The following BCAT1 variants were observed in gnomAD, a reference collection of about 807,000 sequenced individuals.
BCAT1 encodes the protein branched-chain-amino-acid aminotransferase, cytosolic.
Under a neutral mutation model 52.4 loss-of-function variants are expected in BCAT1, and 48 were observed. The ratio of observed to expected loss-of-function variants is 0.92; its 90% CI spans 0.73 to 1.16. The LOEUF is 1.16. Among genes scored for constraint, BCAT1 ranks in the 50% most tolerant of loss-of-function variants. The probability of loss-of-function intolerance (pLI) is 0.00; values close to 1 mark genes in which losing one functional copy is unlikely to be tolerated. For missense variants in BCAT1, 451 were observed against 457.1 expected, an observed-to-expected ratio of 0.99 and a Z score of 0.12; for synonymous variants, 167 against 161.3, an observed-to-expected ratio of 1.04 and a Z score of -0.27.
At position 24,881,376 on chromosome 12, in the gene BCAT1, A is replaced by G; in HGVS notation, c.315T>C (p.Asp105=). The G allele has an allele frequency of 3.7e-6, 6 of 1,613,120 alleles. No individual in the cohort carries two copies. The highest frequency in any genetic ancestry group is 5.1e-6 in the Non-Finnish European group (6 of 1,179,104). The change falls in exon 4 of 11, where the codon GAT becomes GAC. Residue 105 remains aspartate (D), a synonymous_variant. Transcript: ENST00000261192. ...TTGGCTGAAACAGTCGAATTTTATT[A>G]TCTACTCCTCGAAATGCCTTCAATC... ...FEGLKAFRGV[D]NKIRLFQPNL...
rs1467782779 is a variant in BCAT1, at chr12:24,832,755, AAAC to A, written c.1009_1011del (p.Val337del). The A allele has an allele frequency of 6.2e-7, 1 of 1,611,378 alleles. No individual in the cohort carries two copies. Among genetic ancestry groups the A allele is most frequent in the South Asian group, 1.1e-5 (1 of 90,308 alleles). ...TTGTACAGTATATCAGAAACTGGGC[AAAC>A]AACACAGGCTGTACCAGAGCCAAAC... On this transcript the variant is annotated inframe_deletion, in exon 9 of 11. Transcript: ENST00000261192.
intron 2 of BCAT1, among the ~76,000 whole-genome samples, chr12:24,896,204 C>T (rs1188482212): frequency 2.0e-5 from 3 of 152,102 alleles, no homozygotes; most frequent in Non-Finnish European, 4.4e-5. Flanking sequence ...AGACTTTTTA[C>T]TAAGTATAAT....
intron 10 of BCAT1, among the ~76,000 whole-genome samples, chr12:24,821,395 G>A (rs977901351): frequency 1.3e-5 from 2 of 152,118 alleles, no homozygotes; most frequent in African/African-American, 2.4e-5. Context: ...TTCAACAGCA[G>A]CAATGCTGAT....
rs1598075073 is a variant in BCAT1, at chr12:24,810,865, C to T, written c.*7143G>A. 1 of 152,132 alleles carries T rather than the reference C, an allele frequency of 6.6e-6. No homozygotes were observed. Among genetic ancestry groups the T allele is most frequent in the African/African-American group, 2.4e-5 (1 of 41,426 alleles). 9.4% of individuals were successfully genotyped at this position (152,132 alleles called of 1,614,324 possible). A position where few individuals can be genotyped will look rare whatever the true frequency, so the allele number is the denominator to read the frequency against. On this transcript the variant is annotated 3_prime_UTR_variant, in exon 11 of 11. Transcript: ENST00000261192. The stretch of plus-strand genomic sequence containing the variant: ...CACTTGGCTTTGTTCTCCCTTGGTG[C>T]TTTTGAGGACAATTTCTGCAAGGCC...
intron 1 of BCAT1, 127 bp from the exon 2 acceptor site, chr12:24,902,012 G>A: frequency 6.3e-7 from 1 of 1,585,866 alleles, no homozygotes; most frequent in Non-Finnish European, 8.5e-7. Context: ...CAAAAAAGGA[G>A]GCTCAGACAA....
At chr12:24,928,720 T>C (rs1260524666) in intron 1 of BCAT1, among the ~76,000 whole-genome samples, 1 of 138,282 alleles carries the variant, frequency 7.2e-6, no homozygotes, top group Admixed American at 6.9e-5. Context: ...GTTGTTGTTG[T>C]TGTTGTTGTT....
chr12:24,853,390 G>A (rs1280715401), intron 5 of BCAT1, among the ~76,000 whole-genome samples: 2 of 152,156 alleles, frequency 1.3e-5, no homozygotes, highest in African/African-American at 2.4e-5. Context: ...ATAAGTGAGA[G>A]CTAAGCATTA....
chr12:24,922,547 G>A (rs1454132536), intron 1 of BCAT1, among the ~76,000 whole-genome samples: 4 of 152,100 alleles, frequency 2.6e-5, no homozygotes, highest in Admixed American at 6.5e-5. Context: ...TGATTCACAG[G>A]ACTCAATACT....
intron 5 of BCAT1, among the ~76,000 whole-genome samples, chr12:24,874,854 T>C (rs578169810): frequency 6.6e-6 from 1 of 152,332 alleles, no homozygotes; most frequent in South Asian, 2.1e-4. Flanking sequence ...AGTGATCAAC[T>C]AGGTGTCTAT....
chr12:24,843,140 C>A (rs554511253), intron 6 of BCAT1, among the ~76,000 whole-genome samples: 27 of 152,184 alleles, frequency 1.8e-4, no homozygotes, highest in African/African-American at 6.3e-4. Context: ...CCCAGAAATA[C>A]ACAGAAACAA....
chr12:24,927,193 G>A (rs888151411), intron 1 of BCAT1, among the ~76,000 whole-genome samples: 4 of 151,952 alleles, frequency 2.6e-5, no homozygotes, highest in South Asian at 2.1e-4. Flanking sequence ...CTGTAATCCC[G>A]GCTATTTGGG....
chr12:24,886,517 G>C (rs774799196), intron 3 of BCAT1, among the ~76,000 whole-genome samples: 1 of 152,112 alleles, frequency 6.6e-6, no homozygotes, highest in African/African-American at 2.4e-5. Context: ...ACAAACTCAA[G>C]ACAATCACAC....
At chr12:24,886,155 C>T (rs1259157437) in intron 3 of BCAT1, among the ~76,000 whole-genome samples, 3 of 152,216 alleles carry the variant, frequency 2.0e-5, no homozygotes, top group Admixed American at 6.5e-5. Context: ...CCGTGGCTCA[C>T]GCCTGTAATT....
chr12:24,948,760 C>A (rs995882910), intron 1 of BCAT1, among the ~76,000 whole-genome samples, 167 bp downstream of exon 1: 3 of 152,166 alleles, frequency 2.0e-5, no homozygotes, highest in Non-Finnish European at 4.4e-5. Flanking sequence ...ATGCACGGTC[C>A]CCGCAAACTA....
At chr12:24,945,414 G>T (rs1459564171) in intron 1 of BCAT1, 6 of 152,228 alleles carry the variant, frequency 3.9e-5, no homozygotes. Context: ...AAGGCCAACA[G>T]TAGGAACATT....
chr12:24,836,347 G>T, intron 8 of BCAT1, 164 bp downstream of exon 8: 1 of 633,646 alleles, frequency 1.6e-6, no homozygotes, highest in Non-Finnish European at 2.7e-6. Flanking sequence ...TAATAGTCTT[G>T]CCAAGAAAGC....
At position 24,829,828 on chromosome 12, in the gene BCAT1, T is replaced by C. The variant is rs1331776162; in HGVS notation, c.1114A>G (p.Ile372Val). The C allele has an allele frequency of 1.2e-6, 2 of 1,606,424 alleles. No individual in the cohort carries two copies. The highest frequency in any genetic ancestry group is 3.4e-5 in the Admixed American group (2 of 59,242). The change falls in exon 10 of 11, where the codon ATC (isoleucine) becomes GTC (valine). Residue 372 changes from isoleucine (I) to valine (V), a missense_variant. Transcript: ENST00000261192. ...AAAGAAAAGAAAAGCTTTACCTGGA[T>C]ATCAGTTAATTTGCTCAAGATGCGG... ...ASRILSKLTD[I>V]QYGREESDWT... is the part of the protein sequence containing the mutation.
chr12:24,936,745 A>T, intron 1 of BCAT1, among the ~76,000 whole-genome samples: 1 of 72,142 alleles, frequency 1.4e-5, no homozygotes, highest in African/African-American at 3.9e-5. Context: ...ACACACATAC[A>T]CACACACATA....
intron 3 of BCAT1, among the ~76,000 whole-genome samples, chr12:24,883,636 T>A (rs1286311390): frequency 2.0e-5 from 3 of 152,202 alleles, no homozygotes; most frequent in Non-Finnish European, 4.4e-5. Flanking sequence ...AACTACCATA[T>A]GCTTCAGCAA....
Sources: gnomAD v4.1 joint callset for allele counts (sites outside exome capture counted in the v4.1 genomes callset) on GRCh38, gnomAD v4.1.1 for gene constraint, MANE v1.5 for transcripts, NCBI Gene and HGNC (gene_info 2026-07-23, HGNC 2026-07-21) for gene names.